BACE2: variants seen among roughly 807,000 people sequenced by gnomAD.
The protein encoded by BACE2 is beta-secretase 2, also known as 56 kDa aspartic-like protease.
In BACE2, 17 loss-of-function variants were observed where a neutral mutation model predicts 46.2. The ratio of observed to expected loss-of-function variants is 0.37; its 90% CI spans 0.25 to 0.55. The LOEUF is 0.55. BACE2 is among the 20% of genes least tolerant of loss of function. The pLI, the probability that BACE2 is intolerant of heterozygous loss-of-function variation, is 0.82. For synonymous variants in BACE2, 277 were observed against 295.9 expected, an observed-to-expected ratio of 0.94 and a Z score of 0.66; for missense variants, 595 against 698.1, an observed-to-expected ratio of 0.85 and a Z score of 1.66.
chr21:41,252,847 G>A (rs998911595), intron 7 of BACE2, among the ~76,000 whole-genome samples: 1 of 152,192 alleles, frequency 6.6e-6, no homozygotes, highest in Non-Finnish European at 1.5e-5. Flanking sequence ...TTGTGGGGAT[G>A]TGCTTTCCAG....
At chr21:41,233,545 A>G (rs756184563) in intron 2 of BACE2, among the ~76,000 whole-genome samples, 3 of 152,264 alleles carry the variant, frequency 2.0e-5, no homozygotes, top group Non-Finnish European at 2.9e-5. Context: ...ATAGATATGC[A>G]GGCTGGTTCA....
At chr21:41,180,593 C>G (rs1461189658) in intron 1 of BACE2, 1 of 166,956 alleles carries the variant, frequency 6.0e-6, no homozygotes, top group Admixed American at 6.5e-5. Context: ...ACAAACTTTA[C>G]TAAGAGGTTA....
At chr21:41,260,090 T>C (rs920553026) in intron 8 of BACE2, among the ~76,000 whole-genome samples, 8 of 150,726 alleles carry the variant, frequency 5.3e-5, no homozygotes, top group Non-Finnish European at 1.0e-4. Context: ...GGCCCCGCCG[T>C]GGCCTCCCAA....
At chr21:41,217,572 A>C (rs1345078279) in intron 1 of BACE2, among the ~76,000 whole-genome samples, 1 of 152,162 alleles carries the variant, frequency 6.6e-6, no homozygotes, top group African/African-American at 2.4e-5. Flanking sequence ...AGCTCATGGC[A>C]GCTTTGGCGA....
At chr21:41,219,052 G>A (rs1362374718) in intron 1 of BACE2, among the ~76,000 whole-genome samples, 4 of 152,240 alleles carry the variant, frequency 2.6e-5, no homozygotes, top group South Asian at 2.1e-4. Context: ...TAGTAGAGAC[G>A]GGGTTTCACT....
chr21:41,267,128 G>T (rs975048026), intron 8 of BACE2, among the ~76,000 whole-genome samples: 2 of 152,168 alleles, frequency 1.3e-5, no homozygotes, highest in Non-Finnish European at 2.9e-5. Context: ...TCCAGCGAAG[G>T]CACAGCAGGA....
At chr21:41,231,301 T>C (rs1306996835) in intron 2 of BACE2, among the ~76,000 whole-genome samples, 1 of 152,180 alleles carries the variant, frequency 6.6e-6, no homozygotes, top group Non-Finnish European at 1.5e-5. Flanking sequence ...GGGGGTCTCA[T>C]GCATTCAGGT....
rs2088520047 is a variant in BACE2 at position 41,279,150 on chromosome 21, T to A, written c.*3526T>A. ...CATGCCACAGAAGTTATTGTGTATG[T>A]CTCTAGGGAGCTTTAAGAATTTCAC... On this transcript the variant is annotated 3_prime_UTR_variant, in exon 9 of 9. Transcript: ENST00000330333. The A allele has an allele frequency of 6.6e-6, 1 of 152,170 alleles. No homozygotes were observed. The highest frequency in any genetic ancestry group is 1.5e-5 in the Non-Finnish European group (1 of 68,036). The allele number at this position is 152,170 out of a possible 1,614,324, so 9.4% of individuals were successfully genotyped here.
chr21:41,274,089 A>G (rs2123654770), intron 8 of BACE2, among the ~76,000 whole-genome samples: 1 of 152,136 alleles, frequency 6.6e-6, no homozygotes, highest in East Asian at 1.9e-4. Flanking sequence ...TGTCTCTTCC[A>G]CCATGTAAAG....
chr21:41,217,169 T>G (rs1353866907), intron 1 of BACE2, among the ~76,000 whole-genome samples: 1 of 152,232 alleles, frequency 6.6e-6, no homozygotes, highest in African/African-American at 2.4e-5. Context: ...GACCTCGTGA[T>G]CTGCCCGCCT....
chr21:41,245,954 G>C lies in BACE2; in HGVS notation c.883-8G>C, dbSNP rs775924859. On this transcript the variant is annotated splice_polypyrimidine_tract_variant and splice_region_variant and intron_variant, in intron 5 of 8. Coordinates refer to ENST00000330333, the MANE Select transcript of BACE2 (RefSeq NM_012105.5). The stretch of plus-strand genomic sequence containing the variant: ...TCACGCACCTTTCCCTTTCTCTCCC[G>C]GTTCAAGTATAACGCAGACAAGGCC... 3 of 1,600,022 alleles carry C rather than the reference G, an allele frequency of 1.9e-6. No homozygotes were observed. The Admixed American group carries it at 5.1e-5, about 27-fold the overall frequency.
At chr21:41,194,205 T>C (rs4818220) in intron 1 of BACE2, among the ~76,000 whole-genome samples, 21,762 of 152,032 alleles carry the variant, frequency 0.14, 1,898 homozygotes, top group Non-Finnish European at 0.2. Context: ...ATTTCACTTC[T>C]AGGAACACCA....
At position 41,168,207 on chromosome 21, in the gene BACE2, T is replaced by A. The variant is rs569914805; in HGVS notation, c.-57T>A. ...GCCGGCCGAGTCGCTGAGCCGCGGC[T>A]GCCGGACGGGACGGGACCGGCTAGG... On this transcript the variant is annotated 5_prime_UTR_variant, in exon 1 of 9. Coordinates refer to ENST00000330333, the MANE Select transcript of BACE2 (RefSeq NM_012105.5). 2.7e-4 allele frequency: 278 copies of A among 1,018,514 alleles called. 2 individuals are homozygous for A. The South Asian group carries it at 9.1e-3, about 33-fold the overall frequency. The allele number at this position is 1,018,514 out of a possible 1,614,324, so 63.1% of individuals were successfully genotyped here. A position where few individuals can be genotyped will look rare whatever the true frequency, so the allele number is the denominator to read the frequency against.
intron 7 of BACE2, among the ~76,000 whole-genome samples, chr21:41,255,341 C>T (rs1329095761): frequency 1.3e-5 from 2 of 152,086 alleles, no homozygotes; most frequent in African/African-American, 4.8e-5. Context: ...CCAGATGGGT[C>T]ACCCAAGGAG....
At chr21:41,261,763 T>A (rs62219576) in intron 8 of BACE2, among the ~76,000 whole-genome samples, 14,718 of 152,100 alleles carry the variant, frequency 0.097, 780 homozygotes, top group South Asian at 0.15. Context: ...CTCAGCATCC[T>A]TATTGAATAT....
chr21:41,218,327 GA>G (rs1256187448), intron 1 of BACE2, among the ~76,000 whole-genome samples: 2 of 152,006 alleles, frequency 1.3e-5, no homozygotes, highest in Non-Finnish European at 2.9e-5. Flanking sequence ...AAAGTGTTAA[GA>G]AAAAAAATAT....
chr21:41,189,579 A>C (rs1342021215), intron 1 of BACE2, among the ~76,000 whole-genome samples: 1 of 151,990 alleles, frequency 6.6e-6, no homozygotes, highest in African/African-American at 2.4e-5. Flanking sequence ...TCCTTGTTTC[A>C]GTGTGTTTGT....
rs571014815 is a variant in BACE2, at chr21:41,259,108, C to CT, written c.1303+1783dup. On this transcript the variant is annotated intron_variant, in intron 8 of 8. Coordinates refer to ENST00000330333, the MANE Select transcript of BACE2 (RefSeq NM_012105.5). ...GAGGGTCCACTTAATACTGCAGAAT[C>CT]TAATAACCATTTGTTTTCTCAGTGA... Among the ~76,000 whole-genome samples the CT allele has an allele frequency of 1.6e-4, 25 of 152,270 alleles. No individual in the cohort carries two copies. The South Asian group carries it at 5.2e-3, about 32-fold the overall frequency.
intron 1 of BACE2, among the ~76,000 whole-genome samples, chr21:41,207,332 G>C (rs1986160126): frequency 6.6e-6 from 1 of 152,136 alleles, no homozygotes; most frequent in African/African-American, 2.4e-5. Context: ...AAAGTATGAA[G>C]GTCAGAGCTC....
Sources: gnomAD v4.1 joint callset for allele counts (sites outside exome capture counted in the v4.1 genomes callset) on GRCh38, gnomAD v4.1.1 for gene constraint, MANE v1.5 for transcripts, NCBI Gene and HGNC (gene_info 2026-07-23, HGNC 2026-07-21) for gene names.